FAF1: variants seen among roughly 807,000 people sequenced by gnomAD.
FAF1 encodes Fas associated factor 1.
Under a neutral mutation model 92.5 loss-of-function variants are expected in FAF1, and 25 were observed. The observed-to-expected ratio is 0.27, with a 90% confidence interval of 0.20 to 0.38. The LOEUF (loss-of-function observed/expected upper bound fraction) is 0.38. Ranked by LOEUF, FAF1 falls within the 10% of genes least tolerant of loss-of-function variation. The pLI is 1.00. For missense variants in FAF1, 636 were observed against 793.3 expected, an observed-to-expected ratio of 0.80 and a Z score of 2.38; for synonymous variants, 234 against 273.2, an observed-to-expected ratio of 0.86 and a Z score of 1.42.
chr1:50,729,218 G>A (rs1234008123), intron 6 of FAF1, among the ~76,000 whole-genome samples: 1 of 151,296 alleles, frequency 6.6e-6, no homozygotes, highest in African/African-American at 2.4e-5. Flanking sequence ...ACCATACCCG[G>A]CTTATTTTGT....
chr1:50,853,063 G>A (rs375085119), intron 2 of FAF1, among the ~76,000 whole-genome samples: 2 of 152,214 alleles, frequency 1.3e-5, no homozygotes, highest in East Asian at 3.9e-4. Context: ...CTCAATGCTT[G>A]GCTGCTTTCG....
At chr1:50,684,534 C>T (rs1314214123) in intron 7 of FAF1, among the ~76,000 whole-genome samples, 1 of 152,096 alleles carries the variant, frequency 6.6e-6, no homozygotes, top group Non-Finnish European at 1.5e-5. Flanking sequence ...TACAGACATA[C>T]AACCAATGAT....
intron 13 of FAF1, among the ~76,000 whole-genome samples, chr1:50,563,835 T>C (rs1650043759): frequency 6.6e-6 from 1 of 152,166 alleles, no homozygotes; most frequent in Non-Finnish European, 1.5e-5. Flanking sequence ...TTCCAACATA[T>C]TTTGTACACA....
chr1:50,623,420 T>C (rs548942471), intron 8 of FAF1, among the ~76,000 whole-genome samples: 43 of 151,206 alleles, frequency 2.8e-4, no homozygotes, highest in Middle Eastern at 3.4e-3. Context: ...TACAAAGAAA[T>C]TAGCTGGGTG....
chr1:50,568,764 T>C (rs2149057414), intron 12 of FAF1, among the ~76,000 whole-genome samples: 1 of 152,272 alleles, frequency 6.6e-6, no homozygotes, highest in African/African-American at 2.4e-5. Context: ...GTTTTTTCTC[T>C]GATACTACAG....
At chr1:50,863,369 C>G (rs12022651) in intron 1 of FAF1, among the ~76,000 whole-genome samples, 1 of 151,772 alleles carries the variant, frequency 6.6e-6, no homozygotes, top group Non-Finnish European at 1.5e-5. Flanking sequence ...AAAAGTGGTA[C>G]TAAGAGGAAA....
chr1:50,618,788 G>A (rs558664154), intron 8 of FAF1, among the ~76,000 whole-genome samples: 8 of 148,260 alleles, frequency 5.4e-5, no homozygotes, highest in East Asian at 2.0e-4. Context: ...TCACTCTGTC[G>A]CCCAGGCTGG....
At chr1:50,446,670 CAT>C (rs1486211943) in intron 18 of FAF1, among the ~76,000 whole-genome samples, 1 of 152,162 alleles carries the variant, frequency 6.6e-6, no homozygotes, top group East Asian at 1.9e-4. Flanking sequence ...AACTCACAAT[CAT>C]GTGAGGAAGT....
intron 17 of FAF1, 73 bp from the exon 18 acceptor site, chr1:50,475,752 G>GA: frequency 4.2e-6 from 4 of 948,570 alleles, no homozygotes; most frequent in Non-Finnish European, 6.2e-6. Context: ...GAAGACACCA[G>GA]AAAAAAAGCT....
intron 3 of FAF1, among the ~76,000 whole-genome samples, chr1:50,798,071 T>TAA (rs1291516386): frequency 1.1e-4 from 15 of 135,766 alleles, no homozygotes; most frequent in Admixed American, 2.2e-4. Flanking sequence ...GGCACCTCCT[T>TAA]AAAAAAAAAA....
chr1:50,456,619 T>C (rs909922175), intron 18 of FAF1, among the ~76,000 whole-genome samples: 2 of 152,210 alleles, frequency 1.3e-5, no homozygotes, highest in Admixed American at 6.5e-5. Flanking sequence ...TTTTATTTCT[T>C]CTAATTTATT....
At chr1:50,638,122 T>A (rs893974862) in intron 8 of FAF1, among the ~76,000 whole-genome samples, 2 of 152,228 alleles carry the variant, frequency 1.3e-5, no homozygotes, top group African/African-American at 2.4e-5. Flanking sequence ...TGCTATTATA[T>A]TGTAACACAA....
chr1:50,573,632 T>A (rs1420828667), intron 12 of FAF1, among the ~76,000 whole-genome samples: 1 of 152,028 alleles, frequency 6.6e-6, no homozygotes, highest in East Asian at 1.9e-4. Context: ...CCAACAAGCA[T>A]CAACCAAATT....
intron 1 of FAF1, among the ~76,000 whole-genome samples, chr1:50,903,791 T>C (rs1347924937): frequency 9.9e-5 from 15 of 152,076 alleles, no homozygotes; most frequent in African/African-American, 3.6e-4. Context: ...AACAAGAAAT[T>C]AGGGAAGAGT....
chr1:50,881,374 GCTA>G (rs1644610560), intron 1 of FAF1, among the ~76,000 whole-genome samples: 1 of 152,086 alleles, frequency 6.6e-6, no homozygotes, highest in Non-Finnish European at 1.5e-5. Flanking sequence ...AGTCTGGAAG[GCTA>G]CTTTCAAAGT....
chr1:50,686,472 G>A (rs1032346386), intron 7 of FAF1, among the ~76,000 whole-genome samples: 1 of 152,040 alleles, frequency 6.6e-6, no homozygotes, highest in Non-Finnish European at 1.5e-5. Context: ...AACCTGGGAG[G>A]TGGAAGTTGC....
At chr1:50,867,610 CA>C (rs1644492753) in intron 1 of FAF1, among the ~76,000 whole-genome samples, 1 of 152,030 alleles carries the variant, frequency 6.6e-6, no homozygotes, top group Non-Finnish European at 1.5e-5. Context: ...CAGGCAAATG[CA>C]TATCAAAACC....
chr1:50,721,108 T>G (rs1342168320), intron 6 of FAF1, among the ~76,000 whole-genome samples: 1 of 152,200 alleles, frequency 6.6e-6, no homozygotes, highest in African/African-American at 2.4e-5. Flanking sequence ...AAACATTTAT[T>G]GCTTCCCTAC....
At chr1:50,761,398 T>C (rs1660320226) in intron 4 of FAF1, among the ~76,000 whole-genome samples, 1 of 152,172 alleles carries the variant, frequency 6.6e-6, no homozygotes, top group African/African-American at 2.4e-5. Flanking sequence ...AAGAGAATTT[T>C]AGACCAATAT....
Sources: gnomAD v4.1 joint callset for allele counts (sites outside exome capture counted in the v4.1 genomes callset) on GRCh38, gnomAD v4.1.1 for gene constraint, MANE v1.5 for transcripts, NCBI Gene and HGNC (gene_info 2026-07-23, HGNC 2026-07-21) for gene names.